The following ARHGEF26 variants were observed in gnomAD, a reference collection of about 807,000 sequenced individuals.
ARHGEF26 encodes the protein Rho guanine nucleotide exchange factor (GEF) 26.
ARHGEF26 carries 59 observed loss-of-function variants against 89.4 expected under a neutral mutation model. The ratio of observed to expected loss-of-function variants is 0.66; its 90% CI spans 0.54 to 0.82. ARHGEF26 has a LOEUF of 0.82. Among genes scored for constraint, ARHGEF26 ranks in the 40% least tolerant of loss-of-function variants. ARHGEF26 has a pLI of 0.00. For missense variants in ARHGEF26, 1,234 were observed against 1,085.6 expected, an observed-to-expected ratio of 1.14 and a Z score of -1.92; for synonymous variants, 500 against 428.4, an observed-to-expected ratio of 1.17 and a Z score of -2.06.
At chr3:154,150,368 C>A (rs1719949937) in intron 5 of ARHGEF26, among the ~76,000 whole-genome samples, 1 of 151,990 alleles carries the variant, frequency 6.6e-6, no homozygotes, top group Non-Finnish European at 1.5e-5. Context: ...CCTTTCCTCC[C>A]CAGAGACAAC....
At chr3:154,139,042 G>A (rs1719192843) in intron 4 of ARHGEF26, among the ~76,000 whole-genome samples, 1 of 152,226 alleles carries the variant, frequency 6.6e-6, no homozygotes, top group Non-Finnish European at 1.5e-5. Context: ...AGGTGTCAGA[G>A]GAGGTAATGT....
intron 13 of ARHGEF26, among the ~76,000 whole-genome samples, chr3:154,253,933 T>C (rs537475797): frequency 1.3e-5 from 2 of 152,350 alleles, no homozygotes; most frequent in South Asian, 4.1e-4. Flanking sequence ...AAGTCACATG[T>C]CAGCATTTTG....
At chr3:154,243,628 G>A (rs762014128) in intron 12 of ARHGEF26, among the ~76,000 whole-genome samples, 10 of 152,090 alleles carry the variant, frequency 6.6e-5, no homozygotes, top group Non-Finnish European at 1.5e-5. Context: ...AAACCCATAG[G>A]TCTGACTCAT....
intron 3 of ARHGEF26, among the ~76,000 whole-genome samples, chr3:154,128,586 A>G (rs530952113): frequency 4.0e-4 from 61 of 152,256 alleles, no homozygotes; most frequent in South Asian, 3.3e-3. Context: ...CTTGTACTCC[A>G]GCCATGCAGT....
Position 154,255,550 on chromosome 3 carries a change from G to A in ARHGEF26, c.*77G>A, listed in dbSNP as rs1718445492. On this transcript the variant is annotated 3_prime_UTR_variant, in exon 15 of 15. Transcript: ENST00000465093. ...TGGTTGGTTCTGGGCTAGTTTTATT[G>A]TTAATTTTGTCACAGCCTATTTAAT... 6.6e-7 allele frequency: 1 copy of A among 1,517,026 alleles called. No individual in the cohort carries two copies. The highest frequency in any genetic ancestry group is 1.3e-5 in the South Asian group (1 of 74,488). The allele number at this position is 1,517,026 out of a possible 1,614,324, so 94.0% of individuals were successfully genotyped here.
In ARHGEF26 at chr3:154,256,597, A is replaced by G. The variant is rs1718526917; in HGVS notation, c.*1124A>G. ...AAAACCTTCCCAAATGAGCTGATAA[A>G]AAACTGACGTGAGGCTGCTTTGCCT... On this transcript the variant is annotated 3_prime_UTR_variant, in exon 15 of 15. Coordinates refer to ENST00000465093, the MANE Select transcript of ARHGEF26 (RefSeq NM_015595.4). 1.8e-6 allele frequency: 2 copies of G among 1,102,252 alleles called. No homozygotes were observed. The highest frequency in any genetic ancestry group is 1.7e-5 in the African/African-American group (1 of 60,538). The allele number at this position is 1,102,252 out of a possible 1,614,324, so 68.3% of individuals were successfully genotyped here.
chr3:154,182,890 G>A (rs1232549773), intron 6 of ARHGEF26, among the ~76,000 whole-genome samples: 1 of 152,126 alleles, frequency 6.6e-6, no homozygotes, highest in Non-Finnish European at 1.5e-5. Context: ...CCTCAAAAAT[G>A]TAGTGCCACA....
At chr3:154,218,445 G>T (rs960587344) in intron 10 of ARHGEF26, among the ~76,000 whole-genome samples, 2 of 152,016 alleles carry the variant, frequency 1.3e-5, no homozygotes, top group Non-Finnish European at 2.9e-5. Context: ...TGTGCTGCTT[G>T]TTATTCCTTG....
At chr3:154,181,541 C>G (rs1713183819) in intron 6 of ARHGEF26, among the ~76,000 whole-genome samples, 1 of 152,182 alleles carries the variant, frequency 6.6e-6, no homozygotes. Flanking sequence ...AACCAGAGCT[C>G]CTTTTTTTCT....
intron 4 of ARHGEF26, among the ~76,000 whole-genome samples, chr3:154,132,695 T>C (rs747111299): frequency 4.7e-4 from 72 of 152,086 alleles, no homozygotes; most frequent in Non-Finnish European, 1.6e-4. Context: ...CTTTCAACTT[T>C]AATATATATA....
At chr3:154,169,076 A>G (rs1712235851) in intron 6 of ARHGEF26, among the ~76,000 whole-genome samples, 1 of 152,114 alleles carries the variant, frequency 6.6e-6, no homozygotes, top group Admixed American at 6.6e-5. Context: ...TTTGGGCATT[A>G]TTACTTTATA....
rs143651210 is a variant in ARHGEF26 at position 154,177,085 on chromosome 3, T to C, written c.1488-10600T>C. Among the ~76,000 whole-genome samples the C allele has an allele frequency of 7.9e-3, 1,206 of 152,262 alleles. 11 individuals are homozygous for C. Among genetic ancestry groups the C allele is most frequent in the African/African-American group, 0.028 (1,154 of 41,534 alleles). On this transcript the variant is annotated intron_variant, in intron 6 of 14. Coordinates refer to ENST00000465093, the MANE Select transcript of ARHGEF26 (RefSeq NM_015595.4). ...GATGCATGTATAAAACAGAACAACA[T>C]TGGTGAAATGTGACTGTTTATGGTT... is the stretch of plus-strand genomic sequence containing the variant.
At chr3:154,172,674 A>G (rs193272339) in intron 6 of ARHGEF26, among the ~76,000 whole-genome samples, 31 of 152,314 alleles carry the variant, frequency 2.0e-4, no homozygotes, top group African/African-American at 6.3e-4. Context: ...AGCCTGGGCA[A>G]CAGAGCAAGA....
intron 6 of ARHGEF26, among the ~76,000 whole-genome samples, chr3:154,183,540 T>G (rs1211367707): frequency 6.6e-6 from 1 of 152,228 alleles, no homozygotes; most frequent in East Asian, 1.9e-4. Context: ...GCATTCTTGG[T>G]TCCCGAAATC....
chr3:154,242,682 ATCAAACAGCATT>A (rs1292350051), intron 12 of ARHGEF26, among the ~76,000 whole-genome samples: 2 of 152,218 alleles, frequency 1.3e-5, no homozygotes, highest in African/African-American at 4.8e-5. Flanking sequence ...ATAAAATACT[ATCAAACAGCATT>A]GCATGCTATA....
chr3:154,179,531 C>A (rs1559880961), intron 6 of ARHGEF26, among the ~76,000 whole-genome samples: 1 of 152,044 alleles, frequency 6.6e-6, no homozygotes, highest in East Asian at 1.9e-4. Context: ...GCTAGCCTCT[C>A]TGAGAACTAG....
rs373739443 is a variant in ARHGEF26, at chr3:154,146,194, T to G, written c.1270-3195T>G. Among the ~76,000 whole-genome samples the G allele has an allele frequency of 6.6e-5, 10 of 152,342 alleles. No homozygotes were observed. The South Asian group carries it at 1.0e-3, about 16-fold the overall frequency. ...GGGCTGCTTTCTGGCACATAGTGCC[T>G]TCTTGCTACATCTTCACGTGGTAGA... is the stretch of plus-strand genomic sequence containing the variant. On this transcript the variant is annotated intron_variant, in intron 4 of 14. Transcript: ENST00000465093.
intron 11 of ARHGEF26, among the ~76,000 whole-genome samples, chr3:154,233,600 C>T (rs190188332): frequency 3.9e-5 from 6 of 152,234 alleles, no homozygotes; most frequent in African/African-American, 9.6e-5. Flanking sequence ...ATTTAATGCA[C>T]GACAGTCTAG....
chr3:154,133,214 TTA>T (rs753050974), intron 4 of ARHGEF26, among the ~76,000 whole-genome samples: 2 of 152,216 alleles, frequency 1.3e-5, no homozygotes, highest in East Asian at 1.9e-4. Context: ...CTGGGCGTGT[TTA>T]TGTTTCCTTT....
Sources: allele counts gnomAD v4.1 joint callset (sites outside exome capture counted in the v4.1 genomes callset), GRCh38; gene constraint gnomAD v4.1.1; transcripts MANE v1.5; gene names NCBI Gene and HGNC (gene_info 2026-07-23, HGNC 2026-07-21).